PRICKLE2: variants seen among roughly 807,000 people sequenced by gnomAD.
The protein encoded by PRICKLE2 is prickle-like protein 2.
Under a neutral mutation model 81.4 loss-of-function variants are expected in PRICKLE2, and 21 were observed. That is an observed-to-expected ratio of 0.26 (90% CI 0.18 to 0.37). PRICKLE2 has a LOEUF of 0.37. PRICKLE2 is among the 10% of genes least tolerant of loss of function. The probability of loss-of-function intolerance (pLI) is 1.00; values close to 1 mark genes in which losing one functional copy is unlikely to be tolerated. For synonymous variants in PRICKLE2, 456 were observed against 421.5 expected (o/e 1.08, Z -1.00); for missense variants, 940 against 1,109.0 (o/e 0.85, Z 2.16).
intron 2 of PRICKLE2, chr3:64,190,338 T>A (rs550121149): frequency 1.3e-5 from 2 of 152,186 alleles, no homozygotes; most frequent in Non-Finnish European, 2.9e-5. Flanking sequence ...CAGGAAAATA[T>A]CTGACACATG....
intron 2 of PRICKLE2, among the ~76,000 whole-genome samples, chr3:64,183,179 A>G (rs188605613): frequency 9.0e-4 from 137 of 152,282 alleles, no homozygotes; most frequent in Admixed American, 1.8e-3. Context: ...AGTATTATAG[A>G]AACCAGAATT....
rs769036804 is a variant in PRICKLE2, at chr3:64,099,327, C to T, written c.2259G>A (p.Ser753=). ...DLYGQCPRTV[S]DLALQNAFGD... ...CAAAGGCATTCTGCAAAGCCAGGTC[C>T]GACACAGTCCTAGGGCACTGGCCGT... Residue 753 remains serine (S), a synonymous_variant, in exon 8 of 8, where the codon TCG becomes TCA. Transcript: ENST00000638394. This position sits in a 1 kb window ranked among gnomAD's most constrained non-coding sequence, Gnocchi z 4.3. The T allele has an allele frequency of 1.9e-5, 30 of 1,614,196 alleles. No homozygotes were observed. In the Middle Eastern group the frequency reaches 2.0e-3, roughly 107 times the overall value.
chr3:64,127,600 T>G (rs937129301), intron 7 of PRICKLE2, among the ~76,000 whole-genome samples: 7 of 152,058 alleles, frequency 4.6e-5, no homozygotes, highest in Admixed American at 4.6e-4. Flanking sequence ...AAATCCTGAT[T>G]AGCCTGACTG....
chr3:64,206,650 T>C (rs1381655094), intron 1 of PRICKLE2, among the ~76,000 whole-genome samples: 1 of 152,200 alleles, frequency 6.6e-6, no homozygotes, highest in Non-Finnish European at 1.5e-5. Flanking sequence ...CAGGCCACTT[T>C]CATGCACAGG....
intron 7 of PRICKLE2, among the ~76,000 whole-genome samples, chr3:64,123,344 C>G (rs536628953): frequency 6.6e-6 from 1 of 152,280 alleles, no homozygotes; most frequent in South Asian, 2.1e-4. Flanking sequence ...TATCTCCAAT[C>G]TGAAAATGCA....
At chr3:64,151,949 G>A (rs753920292) in intron 6 of PRICKLE2, among the ~76,000 whole-genome samples, 67 of 152,246 alleles carry the variant, frequency 4.4e-4, no homozygotes, top group Admixed American at 9.8e-4. Flanking sequence ...GCTGAACAGA[G>A]GTCTTCACAG....
chr3:64,113,036 GGGGGAATGGGT>G (rs2076874689), intron 7 of PRICKLE2, among the ~76,000 whole-genome samples: 1 of 152,174 alleles, frequency 6.6e-6, no homozygotes, highest in African/African-American at 2.4e-5. Context: ...CAACAGCTCA[GGGGGAATGGGT>G]GAGTTGAACT....
chr3:64,147,576 A>T lies in PRICKLE2; in HGVS notation c.914T>A (p.Phe305Tyr). The change falls in exon 7 of 8, where the codon TTC (phenylalanine) becomes TAC (tyrosine). Residue 305 changes from phenylalanine to tyrosine, a missense_variant. By Grantham distance (22) the Phe-to-Tyr change is conservative. Coordinates refer to ENST00000638394, the MANE Select transcript of PRICKLE2 (RefSeq NM_198859.4). This position sits in a 1 kb window ranked among gnomAD's most constrained non-coding sequence, Gnocchi z 5.0. ...CCCAGCACTGCAGGCCCGTGAGCAG[A>T]ATATCTGGCCCTGCTTCGGGAGGAA... ...RPFLPKQGQI[F>Y]CSRACSAGED... 2.5e-6 allele frequency: 4 copies of T among 1,614,182 alleles called. No individual in the cohort carries two copies. Among genetic ancestry groups the T allele is most frequent in the Non-Finnish European group, 3.4e-6 (4 of 1,180,024 alleles).
chr3:64,258,096 T>C (rs952804338), intron 2 of PRICKLE2, among the ~76,000 whole-genome samples: 1 of 151,864 alleles, frequency 6.6e-6, no homozygotes, highest in Non-Finnish European at 1.5e-5. Flanking sequence ...ACCTAGTTTA[T>C]GGTATTTTGT....
At chr3:64,117,844 A>C (rs1446991664) in intron 7 of PRICKLE2, among the ~76,000 whole-genome samples, 1 of 152,220 alleles carries the variant, frequency 6.6e-6, no homozygotes, top group Non-Finnish European at 1.5e-5. Flanking sequence ...AGAACTAGAA[A>C]ATACTACTTG....
chr3:64,109,301 C>G (rs888408), intron 7 of PRICKLE2, among the ~76,000 whole-genome samples: 139,432 of 152,236 alleles, frequency 0.92, 64,917 homozygotes, highest in Non-Finnish European at 1. Flanking sequence ...CTCTCAGTGG[C>G]TATCAAGAAC....
intron 7 of PRICKLE2, among the ~76,000 whole-genome samples, chr3:64,133,856 C>G (rs1395048628): frequency 6.6e-6 from 1 of 152,176 alleles, no homozygotes; most frequent in Non-Finnish European, 1.5e-5. Flanking sequence ...GGATCATTGA[C>G]ATGTACAGAA....
At chr3:64,134,095 C>T (rs151322192) in intron 7 of PRICKLE2, among the ~76,000 whole-genome samples, 246 of 152,286 alleles carry the variant, frequency 1.6e-3, no homozygotes, top group Admixed American at 2.5e-3. Context: ...AAGTGCTCCA[C>T]GCATGTTACC....
intron 1 of PRICKLE2, among the ~76,000 whole-genome samples, chr3:64,215,558 GCTA>G (rs772568798): frequency 3.3e-4 from 51 of 152,294 alleles, no homozygotes; most frequent in Non-Finnish European, 6.3e-4. Context: ...CAACCAGTGA[GCTA>G]CTAACAAGAT....
chr3:64,187,215 T>C (rs928177931), intron 2 of PRICKLE2, among the ~76,000 whole-genome samples: 1 of 152,218 alleles, frequency 6.6e-6, no homozygotes, highest in Non-Finnish European at 1.5e-5. Flanking sequence ...ACAGCTCCGT[T>C]GAAAACAAGT....
At chr3:64,158,129 A>G (rs747561126) in intron 4 of PRICKLE2, among the ~76,000 whole-genome samples, 7 of 152,242 alleles carry the variant, frequency 4.6e-5, no homozygotes, top group Non-Finnish European at 8.8e-5. Context: ...AAATGTGGAA[A>G]GTAGGTCTAG....
intron 7 of PRICKLE2, among the ~76,000 whole-genome samples, chr3:64,122,757 G>C (rs2077045820): frequency 6.6e-6 from 1 of 152,182 alleles, no homozygotes; most frequent in Admixed American, 6.5e-5. Context: ...CCTGGCTGGT[G>C]AAGACTGATG....
intron 2 of PRICKLE2, among the ~76,000 whole-genome samples, chr3:64,196,340 G>C (rs1054673187): frequency 2.0e-5 from 3 of 152,124 alleles, no homozygotes; most frequent in Admixed American, 6.5e-5. Context: ...AAAGAAAGAT[G>C]GGCTGCTTAA....
At chr3:64,233,180 C>T (rs2079131577) in intron 2 of PRICKLE2, among the ~76,000 whole-genome samples, 1 of 152,104 alleles carries the variant, frequency 6.6e-6, no homozygotes. Flanking sequence ...CCTCCACCAT[C>T]ATCACACTGG....
Sources: allele counts gnomAD v4.1 joint callset (sites outside exome capture counted in the v4.1 genomes callset), GRCh38; gene constraint gnomAD v4.1.1; non-coding constraint Gnocchi (gnomAD v3.1); transcripts MANE v1.5; gene names NCBI Gene and HGNC (gene_info 2026-07-23, HGNC 2026-07-21).